MTFR1: variants seen among roughly 807,000 people sequenced by gnomAD.
MTFR1 encodes the protein chondrocyte protein with a poly-proline region.
In MTFR1, 28 loss-of-function variants were observed where a neutral mutation model predicts 38.8. The ratio of observed to expected loss-of-function variants is 0.72; its 90% CI spans 0.53 to 0.99. The LOEUF (loss-of-function observed/expected upper bound fraction) is 0.99, where lower values mean the gene tolerates loss of function less well. Ranked by LOEUF, MTFR1 falls within the 50% of genes least tolerant of loss-of-function variation. The pLI is 0.00. For synonymous variants in MTFR1, 145 were observed against 137.0 expected (o/e 1.06, Z -0.41); for missense variants, 358 against 395.5 (o/e 0.91, Z 0.81).
chr8:65,756,433 T>C (rs912506857), intron 3 of MTFR1, among the ~76,000 whole-genome samples: 2 of 152,198 alleles, frequency 1.3e-5, no homozygotes, highest in Non-Finnish European at 2.9e-5. Flanking sequence ...ATTTCTCTTT[T>C]TTTTCTCTCT....
At chr8:65,751,519 CTTG>C (rs1488410783) in intron 3 of MTFR1, among the ~76,000 whole-genome samples, 1 of 150,660 alleles carries the variant, frequency 6.6e-6, no homozygotes, top group East Asian at 1.9e-4. Context: ...GTTGCCCATT[CTTG>C]TTGTTCATTC....
At chr8:65,772,692 T>C (rs1427489493), downstream of MTFR1, among the ~76,000 whole-genome samples, 1 of 152,192 alleles carries the variant, frequency 6.6e-6, no homozygotes, top group African/African-American at 2.4e-5. Context: ...TCAACTTTAC[T>C]GTGCATAAAC....
At chr8:65,692,004 T>G (rs994329517) in intron 3 of MTFR1, among the ~76,000 whole-genome samples, 15 of 152,240 alleles carry the variant, frequency 9.9e-5, no homozygotes, top group Non-Finnish European at 2.2e-4. Flanking sequence ...AGGCATTATT[T>G]AAGTATATCT....
downstream of MTFR1, among the ~76,000 whole-genome samples, chr8:65,713,266 C>T (rs1235497625): frequency 1.3e-5 from 2 of 152,072 alleles, no homozygotes; most frequent in Non-Finnish European, 2.9e-5. Flanking sequence ...CATGGTGAAA[C>T]CCTGTCTCTA....
Position 65,707,131 on chromosome 8 carries a change from A to G in MTFR1, c.639A>G (p.Glu213=). Residue 213 remains glutamate (E), a synonymous_variant, in exon 6 of 8, where the codon GAA becomes GAG. Coordinates refer to ENST00000262146, the MANE Select transcript of MTFR1 (RefSeq NM_014637.4). ...CATCTGCTGTTGATCTGATTAAAGA[A>G]CGAAGAGAGAAAAGAGCCAATGCTG... The part of the protein sequence containing the change: ...QSTSAVDLIK[E]RREKRANAGK... 2 of 1,614,122 alleles carry G rather than the reference A, an allele frequency of 1.2e-6. No homozygotes were observed. Among genetic ancestry groups the G allele is most frequent in the Non-Finnish European group, 1.7e-6 (2 of 1,179,974 alleles).
intron 3 of MTFR1, among the ~76,000 whole-genome samples, chr8:65,759,574 T>G (rs1808397680): frequency 6.6e-6 from 1 of 152,238 alleles, no homozygotes. Context: ...TGACTCTAAG[T>G]GTCCAATCAG....
chr8:65,734,914 C>A, intron 3 of MTFR1: 1 of 1,484,480 alleles, frequency 6.7e-7, no homozygotes, highest in South Asian at 1.1e-5. Context: ...AGAAAGAGAT[C>A]CCGATTTTAT....
At chr8:65,751,692 A>T (rs375374331) in intron 3 of MTFR1, among the ~76,000 whole-genome samples, 3 of 152,184 alleles carry the variant, frequency 2.0e-5, no homozygotes, top group African/African-American at 7.2e-5. Context: ...GGGTTTCTCC[A>T]TGTTGGTCAG....
chr8:65,750,504 C>CTGTGTGTGTGTGTG (rs1043866998), intron 3 of MTFR1, among the ~76,000 whole-genome samples: 1 of 143,050 alleles, frequency 7.0e-6, no homozygotes, highest in Non-Finnish European at 1.5e-5. Context: ...GTGTGTGTGT[C>CTGTGTGTGTGTGTG]TGTGTGTGTC....
intron 1 of MTFR1, among the ~76,000 whole-genome samples, chr8:65,647,338 G>A (rs567623442): frequency 6.6e-6 from 1 of 152,284 alleles, no homozygotes; most frequent in South Asian, 2.1e-4. Flanking sequence ...TTGAGATGGA[G>A]TTTTACTCTT....
chr8:65,648,411 C>T (rs982461420), intron 1 of MTFR1, among the ~76,000 whole-genome samples: 1 of 152,024 alleles, frequency 6.6e-6, no homozygotes, highest in Non-Finnish European at 1.5e-5. Flanking sequence ...TTACATGGCT[C>T]TTCTCAAAAT....
At chr8:65,658,035 G>T (rs1425877520) in intron 1 of MTFR1, among the ~76,000 whole-genome samples, 1 of 152,076 alleles carries the variant, frequency 6.6e-6, no homozygotes, top group African/African-American at 2.4e-5. Flanking sequence ...CATTATTCCA[G>T]TGATTCATAA....
At chr8:65,658,141 A>T (rs771419266) in intron 1 of MTFR1, among the ~76,000 whole-genome samples, 38 of 152,322 alleles carry the variant, frequency 2.5e-4, no homozygotes, top group Admixed American at 1.0e-3. Context: ...CCCATCTTTC[A>T]TAATGAAAAT....
intron 3 of MTFR1, among the ~76,000 whole-genome samples, chr8:65,690,813 G>A (rs1231776008): frequency 6.6e-6 from 1 of 152,102 alleles, no homozygotes. Flanking sequence ...TTAGTCTTAG[G>A]ATTTGTCTAA....
chr8:65,703,999 A>T (rs1805701572), intron 4 of MTFR1, among the ~76,000 whole-genome samples: 1 of 151,978 alleles, frequency 6.6e-6, no homozygotes, highest in Admixed American at 6.6e-5. Context: ...GGATCCTTTG[A>T]GCCACGGAGT....
In MTFR1 at chr8:65,745,405, AC is replaced by A; in HGVS notation, c.*49-25540del. On this transcript the variant is annotated intron_variant, in intron 3 of 3. Coordinates refer to the MTFR1 transcript ENST00000521247. ...CTTGAGCAAGTCAAATTCTTCACTTACCATTTGTTAGTCTATCAAATAGAAA... is the reference window on the plus strand; with the variant it reads ...CTTGAGCAAGTCAAATTCTTCACTTACATTTGTTAGTCTATCAAATAGAAA... 1 of 1,507,336 alleles carries A rather than the reference AC, an allele frequency of 6.6e-7. No homozygotes were observed. The highest frequency in any genetic ancestry group is 1.1e-5 in the South Asian group (1 of 88,846). 93.4% of individuals were successfully genotyped at this position (1,507,336 alleles called of 1,614,324 possible).
intron 1 of MTFR1, among the ~76,000 whole-genome samples, chr8:65,669,087 T>A (rs1456938008): frequency 6.6e-6 from 1 of 152,208 alleles, no homozygotes; most frequent in Non-Finnish European, 1.5e-5. Context: ...ATTCATTCCT[T>A]TATGATTTTT....
downstream of MTFR1, among the ~76,000 whole-genome samples, chr8:65,771,518 C>A (rs1016476782): frequency 6.6e-6 from 1 of 152,184 alleles, no homozygotes; most frequent in African/African-American, 2.4e-5. Flanking sequence ...CTCTCTCTCT[C>A]TTTAAAAAGA....
At chr8:65,676,189 A>G (rs1166286530) in intron 2 of MTFR1, among the ~76,000 whole-genome samples, 1 of 152,110 alleles carries the variant, frequency 6.6e-6, no homozygotes, top group African/African-American at 2.4e-5. Context: ...TAGCTCCCTG[A>G]GAATTAAGAA....
Sources: allele counts gnomAD v4.1 joint callset (sites outside exome capture counted in the v4.1 genomes callset), GRCh38; gene constraint gnomAD v4.1.1; transcripts MANE v1.5; gene names NCBI Gene and HGNC (gene_info 2026-07-23, HGNC 2026-07-21).